IL21R: variants seen among roughly 807,000 people sequenced by gnomAD.
IL21R encodes interleukin-21 receptor.
Under a neutral mutation model 41.3 loss-of-function variants are expected in IL21R, and 14 were observed. The ratio of observed to expected loss-of-function variants is 0.34; its 90% CI spans 0.22 to 0.53. The LOEUF is 0.53. Ranked by LOEUF, IL21R falls within the 20% of genes least tolerant of loss-of-function variation. The pLI, the probability that IL21R is intolerant of heterozygous loss-of-function variation, is 0.94. For missense variants in IL21R, 588 were observed against 681.6 expected (o/e 0.86, Z 1.53); for synonymous variants, 286 against 287.6 (o/e 0.99, Z 0.05).
At chr16:27,422,707 C>T (rs994032344) in intron 1 of IL21R, among the ~76,000 whole-genome samples, 1 of 152,116 alleles carries the variant, frequency 6.6e-6, no homozygotes, top group African/African-American at 2.4e-5. Flanking sequence ...TCTGATAATG[C>T]CATTTTCCAA....
chr16:27,446,272 A>G (rs1286490626), intron 8 of IL21R, among the ~76,000 whole-genome samples, 184 bp downstream of exon 8: 3 of 152,200 alleles, frequency 2.0e-5, no homozygotes, highest in Non-Finnish European at 4.4e-5. Context: ...CTTGTGGTGC[A>G]GAATTGGCAG....
intron 2 of IL21R, among the ~76,000 whole-genome samples, chr16:27,431,869 C>A (rs1481972306): frequency 6.6e-6 from 1 of 152,136 alleles, no homozygotes; most frequent in African/African-American, 2.4e-5. Context: ...GTCTTGAACT[C>A]CTGACCTCAA....
intron 4 of IL21R, among the ~76,000 whole-genome samples, chr16:27,440,254 G>T (rs1293274407): frequency 5.7e-3 from 583 of 101,780 alleles, no homozygotes; most frequent in Non-Finnish European, 7.4e-3. Context: ...TATATAGAGA[G>T]AGAGAGAGAG....
At chr16:27,434,474 C>A in intron 3 of IL21R, 25 bp downstream of exon 3, 1 of 1,460,696 alleles carries the variant, frequency 6.8e-7, no homozygotes, top group South Asian at 1.1e-5. Flanking sequence ...CTCACCAGTC[C>A]CCGGGGATGC....
At chr16:27,437,718 G>A (rs776979203) in intron 4 of IL21R, 31 bp downstream of exon 4, 14 of 1,587,304 alleles carry the variant, frequency 8.8e-6, no homozygotes, top group Admixed American at 1.7e-5. Flanking sequence ...GGCTTAGGGT[G>A]GCACTCAATC....
intron 4 of IL21R, among the ~76,000 whole-genome samples, chr16:27,442,025 C>G (rs955394867): frequency 6.6e-6 from 1 of 152,174 alleles, no homozygotes; most frequent in Non-Finnish European, 1.5e-5. Context: ...GGGGAAAAAA[C>G]CCTTGGAGAT....
At chr16:27,434,232 C>T (rs2087224950) in intron 2 of IL21R, 115 bp from the exon 3 acceptor site, 1 of 670,136 alleles carries the variant, frequency 1.5e-6, no homozygotes, top group African/African-American at 1.8e-5. Context: ...TCATATTTGT[C>T]CCGGCCTGGG....
chr16:27,417,202 C>T (rs1171686533), intron 1 of IL21R, among the ~76,000 whole-genome samples: 1 of 142,124 alleles, frequency 7.0e-6, no homozygotes, highest in African/African-American at 2.6e-5. Flanking sequence ...CACTCTGTCA[C>T]CCAGGCTGGA....
At chr16:27,435,791 C>T (rs371177971) in intron 3 of IL21R, among the ~76,000 whole-genome samples, 7 of 151,566 alleles carry the variant, frequency 4.6e-5, no homozygotes, top group African/African-American at 1.5e-4. Context: ...TTTTTGGAGA[C>T]GGAGTCTCAC....
chr16:27,430,032 C>T, intron 1 of IL21R, 24 bp from the exon 2 acceptor site: 1 of 1,602,216 alleles, frequency 6.2e-7, no homozygotes. Context: ...GCCTGGCTCA[C>T]CCTCCACTGT....
intron 1 of IL21R, among the ~76,000 whole-genome samples, chr16:27,403,639 T>G (rs1277718292): frequency 6.6e-6 from 1 of 152,208 alleles, no homozygotes; most frequent in Non-Finnish European, 1.5e-5. Flanking sequence ...GTGGAGCTAG[T>G]TGTGGGGACC....
chr16:27,424,280 G>A (rs1596577032), intron 1 of IL21R, among the ~76,000 whole-genome samples: 1 of 152,032 alleles, frequency 6.6e-6, no homozygotes, highest in East Asian at 1.9e-4. Context: ...CACCATGTTG[G>A]CCAGGCTGGT....
rs201982596 is a variant in IL21R at position 27,439,530 on chromosome 16, G to A, written c.352+1843G>A. Among the ~76,000 whole-genome samples, 120 of 146,708 alleles carry A rather than the reference G, an allele frequency of 8.2e-4. 1 individual carries two copies. In the East Asian group the frequency reaches 0.012, roughly 14 times the overall value. On this transcript the variant is annotated intron_variant, in intron 4 of 8. Transcript: ENST00000337929. The stretch of plus-strand genomic sequence containing the variant: ...CACTTTCTCACACGTGTGCACACAC[G>A]CACATATACACATACTCATACACTC...
intron 1 of IL21R, among the ~76,000 whole-genome samples, chr16:27,419,140 G>A (rs72784340): frequency 0.016 from 2,434 of 152,060 alleles, 30 homozygotes; most frequent in Middle Eastern, 0.027. Context: ...ACTTGAACCC[G>A]GGAAAACCAA....
At position 27,422,154 on chromosome 16, in the gene IL21R, C is replaced by A. The variant is rs180678438; in HGVS notation, c.-16-7902C>A. On this transcript the variant is annotated intron_variant, in intron 1 of 8. Coordinates refer to ENST00000337929, the MANE Select transcript of IL21R (RefSeq NM_181078.3). Reference sequence around the variant, plus strand: ...ATCATTTTGTTAAAAAGTCCCCTGCCAGTCTTATTGTTTCTTCCTTGAAGG... The same window carrying A: ...ATCATTTTGTTAAAAAGTCCCCTGCAAGTCTTATTGTTTCTTCCTTGAAGG... 4.2e-3 allele frequency among the ~76,000 whole-genome samples: 633 copies of A among 152,168 alleles called. 1 individual carries two copies. Among genetic ancestry groups the A allele is most frequent in the Non-Finnish European group, 6.7e-3 (454 of 67,936 alleles).
rs544877059 is a variant in IL21R at position 27,449,886 on chromosome 16, G to A, written c.*603G>A. 8.5e-4 allele frequency: 198 copies of A among 233,838 alleles called. No individual in the cohort carries two copies. The highest frequency in any genetic ancestry group is 1.3e-3 in the Non-Finnish European group (157 of 118,582). The allele number at this position is 233,838 out of a possible 1,614,324, so 14.5% of individuals were successfully genotyped here. A position where few individuals can be genotyped will look rare whatever the true frequency, so the allele number is the denominator to read the frequency against. Reference sequence around the variant, plus strand: ...GCAATTTTTTGGGCGGCCCCTGGACGAAGGTCTGAATCCCGACTCTGATAC... The same window carrying A: ...GCAATTTTTTGGGCGGCCCCTGGACAAAGGTCTGAATCCCGACTCTGATAC... On this transcript the variant is annotated 3_prime_UTR_variant, in exon 9 of 9. Transcript: ENST00000337929.
chr16:27,440,248 T>TATATATAGAGAGAGAG (rs1352160946), intron 4 of IL21R, among the ~76,000 whole-genome samples: 126 of 64,032 alleles, frequency 2.0e-3, no homozygotes, highest in Non-Finnish European at 2.5e-3. Flanking sequence ...TATATATATA[T>TATATATAGAGAGAGAG]AGAGAGAGAG....
intron 1 of IL21R, among the ~76,000 whole-genome samples, chr16:27,404,195 C>T (rs573829092): frequency 6.6e-6 from 1 of 152,106 alleles, no homozygotes; most frequent in African/African-American, 2.4e-5. Flanking sequence ...CCTGTCCTGC[C>T]CGCTCCTCTG....
chr16:27,411,661 G>A (rs769447543), intron 1 of IL21R, among the ~76,000 whole-genome samples: 3 of 151,618 alleles, frequency 2.0e-5, no homozygotes, highest in Non-Finnish European at 4.4e-5. Flanking sequence ...ATGGGATTTC[G>A]CCATCTTGGC....
Sources: allele counts gnomAD v4.1 joint callset (sites outside exome capture counted in the v4.1 genomes callset), GRCh38; gene constraint gnomAD v4.1.1; transcripts MANE v1.5; gene names NCBI Gene and HGNC (gene_info 2026-07-23, HGNC 2026-07-21).